The following ABCG1 variants were observed in gnomAD, a reference collection of about 807,000 sequenced individuals.
ABCG1 encodes ATP binding cassette subfamily G member 1, also known as ATP-binding cassette sub-family G member 1.
Under a neutral mutation model 69.2 loss-of-function variants are expected in ABCG1, and 29 were observed. The observed-to-expected ratio is 0.42, with a 90% CI of 0.31 to 0.57. The LOEUF (loss-of-function observed/expected upper bound fraction) is 0.57. Among genes scored for constraint, ABCG1 ranks in the 20% least tolerant of loss-of-function variants. The pLI, the probability that ABCG1 is intolerant of heterozygous loss-of-function variation, is 0.15. For missense variants in ABCG1, 718 were observed against 898.1 expected (o/e 0.80, Z 2.56); for synonymous variants, 370 against 374.8 (o/e 0.99, Z 0.15).
chr21:42,294,075 C>T (rs958990098), intron 13 of ABCG1, among the ~76,000 whole-genome samples: 2 of 152,088 alleles, frequency 1.3e-5, no homozygotes, highest in East Asian at 3.9e-4. Flanking sequence ...GCGGTTGCTT[C>T]GGTCTCTGGG....
chr21:42,260,070 G>A (rs2068380087), intron 2 of ABCG1: 3 of 1,550,658 alleles, frequency 1.9e-6, no homozygotes, highest in Non-Finnish European at 2.6e-6. Flanking sequence ...CAGTGGCAAA[G>A]TCTTGTCAGC....
intron 6 of ABCG1, among the ~76,000 whole-genome samples, chr21:42,282,807 G>T (rs1390463470): frequency 6.6e-6 from 1 of 152,238 alleles, no homozygotes; most frequent in Non-Finnish European, 1.5e-5. Context: ...GCACAGCAGA[G>T]GCTCAGAGAT....
chr21:42,257,987 A>C (rs2068335141), intron 2 of ABCG1, among the ~76,000 whole-genome samples: 1 of 116,196 alleles, frequency 8.6e-6, no homozygotes, highest in African/African-American at 3.5e-5. Context: ...CATTTACTCC[A>C]TCCATCCTTC....
At position 42,276,826 on chromosome 21, in the gene ABCG1, C is replaced by A; in HGVS notation, c.538-69C>A. ...GCTAGCTGCACCGTGGCCTGCAGTGCGGGCATGAGGCTCACACTGCCAGTG... is the reference window on the plus strand; with the variant it reads ...GCTAGCTGCACCGTGGCCTGCAGTGAGGGCATGAGGCTCACACTGCCAGTG... On this transcript the variant is annotated intron_variant, in intron 4 of 14. Transcript: ENST00000398449. This position sits in a 1 kb window ranked among gnomAD's most constrained non-coding sequence, Gnocchi z 5.3. 1.3e-6 allele frequency: 2 copies of A among 1,527,630 alleles called. No individual in the cohort carries two copies. The highest frequency in any genetic ancestry group is 1.1e-5 in the South Asian group (1 of 88,484). 94.6% of individuals were successfully genotyped at this position (1,527,630 alleles called of 1,614,324 possible). A position where few individuals can be genotyped will look rare whatever the true frequency, so the allele number is the denominator to read the frequency against.
intron 2 of ABCG1, among the ~76,000 whole-genome samples, chr21:42,258,411 TTCCATATCCCCCCCATCCCTCCC>T: frequency 7.0e-6 from 1 of 142,564 alleles, no homozygotes; most frequent in South Asian, 2.5e-4. Context: ...CCATCCCACC[TTCCATATCCCCCCCATCCCTCCC>T]TCCATATCTT....
chr21:42,201,752 T>G (rs2067508255), intron 2 of ABCG1: 1 of 1,613,580 alleles, frequency 6.2e-7, no homozygotes, highest in Admixed American at 1.7e-5. Flanking sequence ...GGGAAGGATT[T>G]GGAAGCTAAA....
At chr21:42,294,153 T>A (rs2069156545) in intron 13 of ABCG1, among the ~76,000 whole-genome samples, 1 of 152,156 alleles carries the variant, frequency 6.6e-6, no homozygotes. Flanking sequence ...CCTTCCACTG[T>A]GCCCCGACCG....
chr21:42,265,077 A>T (rs1386647487), intron 2 of ABCG1, among the ~76,000 whole-genome samples: 1 of 152,124 alleles, frequency 6.6e-6, no homozygotes, highest in African/African-American at 2.4e-5. Context: ...GGACAGCTTC[A>T]CACCATCTTT....
rs574094739 is a variant in ABCG1 at position 42,284,787 on chromosome 21, C to T, written c.858+104C>T. 1.4e-5 allele frequency: 20 copies of T among 1,434,568 alleles called. No homozygotes were observed. The East Asian group carries it at 2.8e-4, about 20-fold the overall frequency. 88.9% of individuals were successfully genotyped at this position (1,434,568 alleles called of 1,614,324 possible). ...CACTGCCTTCTGTTAGCTCGTGGGG[C>T]GTCTTCATGACACCAAACCCTGGGT... is the stretch of plus-strand genomic sequence containing the variant. On this transcript the variant is annotated intron_variant, in intron 7 of 14. Transcript: ENST00000398449.
rs78356453 is a variant in ABCG1, at chr21:42,242,551, G to A, written c.286+16637G>A. Reference sequence around the variant, plus strand: ...CAAACTGCACAATGAGAGAGGAGGAGGGAGCTGTATTATAGATGTGTGGTA... The same window carrying A: ...CAAACTGCACAATGAGAGAGGAGGAAGGAGCTGTATTATAGATGTGTGGTA... On this transcript the variant is annotated intron_variant, in intron 2 of 14. Coordinates refer to ENST00000398449, the MANE Select transcript of ABCG1 (RefSeq NM_016818.3). Among the ~76,000 whole-genome samples, 601 of 152,224 alleles carry A rather than the reference G, an allele frequency of 3.9e-3. 4 individuals carry two copies. The highest frequency in any genetic ancestry group is 0.013 in the African/African-American group (540 of 41,524).
At chr21:42,282,097 C>T (rs1402039148) in intron 5 of ABCG1, among the ~76,000 whole-genome samples, 177 bp from the exon 6 acceptor site, 1 of 152,246 alleles carries the variant, frequency 6.6e-6, no homozygotes, top group Non-Finnish European at 1.5e-5. Context: ...GGAAATGGCA[C>T]CTGCCCCACT....
At chr21:42,254,345 C>T (rs2068268858) in intron 2 of ABCG1, among the ~76,000 whole-genome samples, 1 of 152,188 alleles carries the variant, frequency 6.6e-6, no homozygotes, top group South Asian at 2.1e-4. Flanking sequence ...GTTCTCCTGG[C>T]GCCAGAGTGG....
At position 42,288,162 on chromosome 21, in the gene ABCG1, G is replaced by A. The variant is rs373591788; in HGVS notation, c.1123-49G>A. ...AGCTCTTTCCGAGCAAGAAGGAGCC[G>A]TGGCTCCGGACTGGCTTTCACCCGC... On this transcript the variant is annotated intron_variant, in intron 9 of 14. Transcript: ENST00000398449. This position sits in a 1 kb window ranked among gnomAD's most constrained non-coding sequence, Gnocchi z 4.8. The A allele has an allele frequency of 3.7e-5, 60 of 1,609,722 alleles. No individual in the cohort carries two copies. Among genetic ancestry groups the A allele is most frequent in the Non-Finnish European group, 3.8e-5 (45 of 1,176,066 alleles).
chr21:42,226,435 C>G (rs1292692039), intron 2 of ABCG1, among the ~76,000 whole-genome samples: 2 of 152,166 alleles, frequency 1.3e-5, no homozygotes, highest in Non-Finnish European at 2.9e-5. Flanking sequence ...TTGAAAAGAG[C>G]TGATACATAA....
chr21:42,226,530 T>C (rs541637900), intron 2 of ABCG1, among the ~76,000 whole-genome samples: 1 of 152,190 alleles, frequency 6.6e-6, no homozygotes, highest in South Asian at 2.1e-4. Context: ...TTGTTGCATG[T>C]TACAGGAAAT....
intron 2 of ABCG1, among the ~76,000 whole-genome samples, chr21:42,264,383 G>A (rs1393280451): frequency 6.6e-6 from 1 of 152,126 alleles, no homozygotes; most frequent in Non-Finnish European, 1.5e-5. Context: ...CCATCTGTCT[G>A]TCCCTCTGTC....
intron 2 of ABCG1, among the ~76,000 whole-genome samples, chr21:42,263,446 T>A (rs1220527970): frequency 6.6e-6 from 1 of 152,100 alleles, no homozygotes; most frequent in Non-Finnish European, 1.5e-5. Context: ...CTCCTAGGAG[T>A]GGGCCATGTC....
chr21:42,282,769 G>A (rs1163969021), intron 6 of ABCG1, among the ~76,000 whole-genome samples: 1 of 152,230 alleles, frequency 6.6e-6, no homozygotes, highest in African/African-American at 2.4e-5. Flanking sequence ...GTGTCTTCAG[G>A]TGTGTTCTGG....
intron 2 of ABCG1, among the ~76,000 whole-genome samples, chr21:42,239,352 A>C (rs908031941): frequency 2.0e-5 from 3 of 152,242 alleles, no homozygotes; most frequent in Admixed American, 1.3e-4. Context: ...CCCTTCTTAT[A>C]TGTGATGTAA....
Sources: allele counts gnomAD v4.1 joint callset (sites outside exome capture counted in the v4.1 genomes callset), GRCh38; gene constraint gnomAD v4.1.1; non-coding constraint Gnocchi (gnomAD v3.1); transcripts MANE v1.5; gene names NCBI Gene and HGNC (gene_info 2026-07-23, HGNC 2026-07-21).